Variants in KCNMA1 observed in about 807,000 individuals in gnomAD.
KCNMA1 encodes the protein potassium calcium-activated channel subfamily M alpha 1, also known as Calcium-activated potassium channel subunit alpha-1.
A neutral mutation model predicts 140.0 loss-of-function variants in KCNMA1; 29 were observed. That is an observed-to-expected ratio of 0.21 (90% confidence interval 0.15 to 0.28). The LOEUF is 0.28. Ranked by LOEUF, KCNMA1 falls within the 10% of genes least tolerant of loss-of-function variation. KCNMA1 has a pLI of 1.00. For missense variants in KCNMA1, 880 were observed against 1,602.2 expected, an observed-to-expected ratio of 0.55 and a Z score of 7.70; for synonymous variants, 612 against 611.9, an observed-to-expected ratio of 1.00 and a Z score of 0.00.
At chr10:77,563,359 TTG>T (rs1473989971) in intron 1 of KCNMA1, among the ~76,000 whole-genome samples, 1 of 145,800 alleles carries the variant, frequency 6.9e-6, no homozygotes, top group East Asian at 2.7e-4. Context: ...AGCAGGATGG[TTG>T]GGCCTGAAGC....
chr10:76,951,935 T>C (rs1357282884), intron 21 of KCNMA1: 2 of 1,125,396 alleles, frequency 1.8e-6, no homozygotes, highest in Admixed American at 2.0e-5. Context: ...TTGTCAGGGA[T>C]TGCATCTCCA....
chr10:77,349,287 C>A (rs930453327), intron 2 of KCNMA1, among the ~76,000 whole-genome samples: 1 of 152,142 alleles, frequency 6.6e-6, no homozygotes, highest in Non-Finnish European at 1.5e-5. Flanking sequence ...AAAGTGCCAT[C>A]TATGAACCAG....
intron 3 of KCNMA1, among the ~76,000 whole-genome samples, chr10:77,202,749 C>A (rs534329764): frequency 8.5e-5 from 13 of 152,290 alleles, no homozygotes; most frequent in African/African-American, 2.6e-4. Flanking sequence ...CCCTCAAACT[C>A]ACCCAAGGAT....
At chr10:77,342,321 A>G (rs2091126364) in intron 2 of KCNMA1, among the ~76,000 whole-genome samples, 1 of 152,226 alleles carries the variant, frequency 6.6e-6, no homozygotes, top group Non-Finnish European at 1.5e-5. Flanking sequence ...CTTTGCATCT[A>G]TTAGCTCATT....
At chr10:76,880,546 T>C (rs1277847235), downstream of KCNMA1, among the ~76,000 whole-genome samples, 1 of 152,244 alleles carries the variant, frequency 6.6e-6, no homozygotes, top group African/African-American at 2.4e-5. Context: ...TTTACTAAAA[T>C]GTCTGGTGCA....
At chr10:76,946,707 T>A (rs2064074396) in intron 22 of KCNMA1, among the ~76,000 whole-genome samples, 2 of 152,228 alleles carry the variant, frequency 1.3e-5, no homozygotes, top group Admixed American at 6.5e-5. Flanking sequence ...TGCCAGTGCA[T>A]AAGCTTCAAT....
chr10:77,194,250 G>A (rs80123900), intron 3 of KCNMA1, among the ~76,000 whole-genome samples: 8,586 of 152,210 alleles, frequency 0.056, 291 homozygotes, highest in South Asian at 0.084. Context: ...ATCAGGGCAC[G>A]GTTGGGCAGG....
chr10:77,488,054 T>C (rs2098481804), intron 1 of KCNMA1, among the ~76,000 whole-genome samples: 1 of 152,188 alleles, frequency 6.6e-6, no homozygotes, highest in Admixed American at 6.5e-5. Context: ...ATTCATTCAA[T>C]ATATGCCTAT....
chr10:77,445,447 T>C (rs1026327212), intron 1 of KCNMA1, among the ~76,000 whole-genome samples: 1 of 152,166 alleles, frequency 6.6e-6, no homozygotes, highest in Non-Finnish European at 1.5e-5. Flanking sequence ...CTATGGTTGA[T>C]TTGTTGATCA....
At chr10:77,628,832 C>A (rs1017917262) in intron 1 of KCNMA1, among the ~76,000 whole-genome samples, 2 of 152,056 alleles carry the variant, frequency 1.3e-5, no homozygotes, top group Non-Finnish European at 2.9e-5. Flanking sequence ...CAACTTTCCA[C>A]AGAAACCCTC....
intron 2 of KCNMA1, among the ~76,000 whole-genome samples, chr10:77,350,945 C>A (rs2092802402): frequency 6.6e-6 from 1 of 152,200 alleles, no homozygotes; most frequent in Admixed American, 6.5e-5. Context: ...GTGAGCTGGG[C>A]TCCACCCTTT....
At chr10:77,271,639 G>T (rs1254615661) in intron 2 of KCNMA1, among the ~76,000 whole-genome samples, 1 of 152,170 alleles carries the variant, frequency 6.6e-6, no homozygotes, top group South Asian at 2.1e-4. Flanking sequence ...CTAGAAGTAA[G>T]TGCTAAATAA....
chr10:77,181,751 A>G (rs556444626), intron 5 of KCNMA1, among the ~76,000 whole-genome samples: 1 of 152,272 alleles, frequency 6.6e-6, no homozygotes, highest in Admixed American at 6.5e-5. Context: ...GAATCAGGAT[A>G]CGATACGGAG....
chr10:77,506,289 C>T (rs1205479385), intron 1 of KCNMA1, among the ~76,000 whole-genome samples: 2 of 152,108 alleles, frequency 1.3e-5, no homozygotes, highest in Non-Finnish European at 2.9e-5. Context: ...CAGCATCTCC[C>T]CACTGGCTGC....
intron 1 of KCNMA1, among the ~76,000 whole-genome samples, chr10:77,465,260 G>A (rs2097966331): frequency 6.6e-6 from 1 of 152,190 alleles, no homozygotes; most frequent in Non-Finnish European, 1.5e-5. Flanking sequence ...CTTAAGGCTG[G>A]AGATTCAACT....
exon 30 of KCNMA1, chr10:76,877,757 T>G: frequency 6.4e-7 from 1 of 1,557,130 alleles, no homozygotes; most frequent in Non-Finnish European, 8.7e-7. Context: ...CATCTTCAAC[T>G]TCTCTGATTG....
chr10:77,400,923 C>A (rs16934683), intron 2 of KCNMA1, among the ~76,000 whole-genome samples: 21,554 of 151,594 alleles, frequency 0.14, 2,301 homozygotes, highest in African/African-American at 0.3. Context: ...TGATATCACC[C>A]ACATGGGCTA....
chr10:77,014,124 G>A (rs930479420), intron 17 of KCNMA1, among the ~76,000 whole-genome samples: 17 of 152,102 alleles, frequency 1.1e-4, no homozygotes, highest in South Asian at 6.2e-4. Flanking sequence ...TTTGTGGTAC[G>A]AACACTTAAA....
chr10:76,967,267 T>C (rs954831150), intron 20 of KCNMA1, among the ~76,000 whole-genome samples: 1 of 152,084 alleles, frequency 6.6e-6, no homozygotes, highest in Admixed American at 6.5e-5. Context: ...TGTCGAAAAA[T>C]CCACTTCAAA....
Sources: gnomAD v4.1 joint callset for allele counts (sites outside exome capture counted in the v4.1 genomes callset) on GRCh38, gnomAD v4.1.1 for gene constraint, MANE v1.5 for transcripts, NCBI Gene and HGNC (gene_info 2026-07-23, HGNC 2026-07-21) for gene names.